CLCN5: variants seen among roughly 807,000 people sequenced by gnomAD.
The protein encoded by CLCN5 is Cl-/H+ antiporter 5, also known as H(+)/Cl(-) exchange transporter 5.
CLCN5 carries 17 observed loss-of-function variants against 54.0 expected under a neutral mutation model. That is an observed-to-expected ratio of 0.31 (90% CI 0.22 to 0.47). The LOEUF (loss-of-function observed/expected upper bound fraction) is 0.47, where lower values mean the gene tolerates loss of function less well. Among genes scored for constraint, CLCN5 ranks in the 20% least tolerant of loss-of-function variants. The probability of loss-of-function intolerance (pLI) is 1.00; values close to 1 mark genes in which losing one functional copy is unlikely to be tolerated. For synonymous variants in CLCN5, 222 were observed against 233.0 expected (o/e 0.95, Z 0.43); for missense variants, 448 against 646.7 (o/e 0.69, Z 3.33).
intron 3 of CLCN5, among the ~76,000 whole-genome samples, chrX:49,988,196 G>T (rs1195383378): frequency 9.0e-6 from 1 of 111,022 alleles, no homozygotes; most frequent in Non-Finnish European, 1.9e-5. Flanking sequence ...CCCCCAGAAA[G>T]TTAGCGTATC....
intron 2 of CLCN5, among the ~76,000 whole-genome samples, chrX:49,924,891 C>T (rs1201051953): frequency 8.9e-6 from 1 of 112,054 alleles, no homozygotes; most frequent in Non-Finnish European, 1.9e-5. Flanking sequence ...AGGAAAGGTG[C>T]TTAACGGTGA....
chrX:50,046,938 C>T (rs1437653507), intron 4 of CLCN5, among the ~76,000 whole-genome samples: 1 of 111,058 alleles, frequency 9.0e-6, no homozygotes, highest in Non-Finnish European at 1.9e-5. Flanking sequence ...GGGATGACTT[C>T]AAAGCCTAAG....
At chrX:49,947,732 C>G (rs1178237721) in intron 3 of CLCN5, among the ~76,000 whole-genome samples, 8 of 111,217 alleles carry the variant, frequency 7.2e-5, no homozygotes, top group African/African-American at 2.6e-4. Flanking sequence ...TGGACCCATT[C>G]GCTGTCGTCC....
chrX:50,031,064 G>T (rs186848082), intron 3 of CLCN5, among the ~76,000 whole-genome samples: 1 of 111,190 alleles, frequency 9.0e-6, no homozygotes. Flanking sequence ...TGTATAACAG[G>T]GTATTTCTTA....
At chrX:49,936,035 A>G (rs1296079650) in intron 3 of CLCN5, among the ~76,000 whole-genome samples, 2 of 111,236 alleles carry the variant, frequency 1.8e-5, no homozygotes, top group Non-Finnish European at 3.8e-5. Flanking sequence ...TTTAATGAGT[A>G]ATAACTGCCT....
intron 3 of CLCN5, among the ~76,000 whole-genome samples, chrX:50,007,397 TTCTCTCTCTCTCTC>T (rs781888075): frequency 1.6e-4 from 10 of 64,413 alleles, no homozygotes; most frequent in East Asian, 5.2e-4. Context: ...CTCTCTCTCT[TTCTCTCTCTCTCTC>T]TCTCTCTCTC....
At chrX:50,013,228 G>A in intron 3 of CLCN5, 1 of 203,281 alleles carries the variant, frequency 4.9e-6, no homozygotes, top group Non-Finnish European at 9.4e-6. Context: ...CCTCCCATGT[G>A]CAGAAGAATG....
At chrX:50,081,355 T>A (rs1933691130) in intron 8 of CLCN5, among the ~76,000 whole-genome samples, 1 of 110,615 alleles carries the variant, frequency 9.0e-6, no homozygotes, top group African/African-American at 3.3e-5. Context: ...CACCTATCCC[T>A]CCCTCTCCAG....
At chrX:49,972,112 GGTGTGTGTGTGTGTGTGTGTGTGTGT>G (rs61157983) in intron 3 of CLCN5, among the ~76,000 whole-genome samples, 2 of 86,592 alleles carry the variant, frequency 2.3e-5, no homozygotes, top group African/African-American at 4.2e-5. Flanking sequence ...TGCATTCTCT[GGTGTGTGTGTGTGTGTGTGTGTGTGT>G]GTGTGTGTGT....
At position 50,026,468 on chromosome X, in the gene CLCN5, G is replaced by C. The variant is rs944610874; in HGVS notation, c.17-15848G>C. On this transcript the variant is annotated intron_variant, in intron 3 of 14. Coordinates refer to ENST00000376091, the MANE Select transcript of CLCN5 (RefSeq NM_001127898.4). ...TCTGTCAATTACTAATAGAGGGGTG[G>C]TGAAGTCTCCAACTATAATAGTACA... Among the ~76,000 whole-genome samples, 41 of 111,511 alleles carry C rather than the reference G, an allele frequency of 3.7e-4. No homozygotes were observed. The Admixed American group carries it at 3.9e-3, about 11-fold the overall frequency.
At chrX:49,953,493 A>G (rs1927159468) in intron 3 of CLCN5, among the ~76,000 whole-genome samples, 2 of 110,500 alleles carry the variant, frequency 1.8e-5, no homozygotes, top group South Asian at 7.8e-4. Flanking sequence ...ATTTGTAGAT[A>G]TGGTTTCTCA....
intron 3 of CLCN5, chrX:50,014,622 A>C: frequency 2.8e-6 from 1 of 358,816 alleles, no homozygotes; most frequent in South Asian, 2.6e-5. Context: ...AATCCTTGCT[A>C]TCTGGGTGCT....
chrX:50,059,773 A>T (rs1602098286), intron 4 of CLCN5, among the ~76,000 whole-genome samples: 1 of 109,818 alleles, frequency 9.1e-6, no homozygotes, highest in Non-Finnish European at 1.9e-5. Context: ...GGAATAAAAA[A>T]AAAAGTCCCT....
intron 3 of CLCN5, among the ~76,000 whole-genome samples, chrX:49,969,067 CCTTT>C (rs1214094719): frequency 4.3e-4 from 47 of 109,981 alleles, no homozygotes; most frequent in African/African-American, 1.3e-3. Flanking sequence ...TGATTTGAAA[CCTTT>C]CTTTCTTTCT....
chrX:49,999,409 CTTTT>C (rs782377247), intron 3 of CLCN5, among the ~76,000 whole-genome samples: 2 of 91,291 alleles, frequency 2.2e-5, no homozygotes, highest in Non-Finnish European at 4.4e-5. Context: ...GTGGACTTTG[CTTTT>C]TTTTTTTTTT....
chrX:50,083,192 C>CA (rs35408376), intron 9 of CLCN5, among the ~76,000 whole-genome samples: 10,245 of 71,032 alleles, frequency 0.14, 1,430 homozygotes, highest in African/African-American at 0.43. Context: ...TTATGAAAAC[C>CA]AAAAAAAAAA....
At chrX:49,935,668 GT>G (rs1159055988) in intron 3 of CLCN5, among the ~76,000 whole-genome samples, 2 of 111,849 alleles carry the variant, frequency 1.8e-5, no homozygotes, top group Non-Finnish European at 3.8e-5. Flanking sequence ...ATGAGGAGGA[GT>G]TATCCACGCA....
intron 3 of CLCN5, among the ~76,000 whole-genome samples, chrX:49,979,594 A>T (rs1477758425): frequency 9.0e-6 from 1 of 111,387 alleles, no homozygotes; most frequent in Non-Finnish European, 1.9e-5. Context: ...GGAATTTAAA[A>T]TTTTCCTCCA....
chrX:50,085,249 A>C (rs1432877823), intron 9 of CLCN5, among the ~76,000 whole-genome samples: 6 of 112,266 alleles, frequency 5.3e-5, no homozygotes, highest in African/African-American at 1.9e-4. Context: ...GTTTGCCATT[A>C]TTAGTGTTTG....
Sources: allele counts gnomAD v4.1 joint callset (sites outside exome capture counted in the v4.1 genomes callset), GRCh38; gene constraint gnomAD v4.1.1; transcripts MANE v1.5; gene names NCBI Gene and HGNC (gene_info 2026-07-23, HGNC 2026-07-21).